Variants in CAMK1D observed in about 807,000 individuals in gnomAD.
CAMK1D encodes calcium/calmodulin-dependent protein kinase type 1D.
CAMK1D carries 9 observed loss-of-function variants against 47.7 expected under a neutral mutation model. The ratio of observed to expected loss-of-function variants is 0.19; its 90% CI spans 0.11 to 0.33. The LOEUF (loss-of-function observed/expected upper bound fraction) is 0.33. Among genes scored for constraint, CAMK1D ranks in the 10% least tolerant of loss-of-function variants. The probability of loss-of-function intolerance (pLI) is 1.00; values close to 1 mark genes in which losing one functional copy is unlikely to be tolerated. For missense variants in CAMK1D, 291 were observed against 488.7 expected (o/e 0.60, Z 3.81); for synonymous variants, 184 against 184.9 (o/e 0.99, Z 0.04).
At chr10:12,771,449 T>G (rs977244870) in intron 5 of CAMK1D, among the ~76,000 whole-genome samples, 2 of 152,252 alleles carry the variant, frequency 1.3e-5, no homozygotes, top group African/African-American at 4.8e-5. Context: ...GGGGCCACTT[T>G]GTGGCCTTTC....
At chr10:12,620,958 A>G (rs755924034) in intron 2 of CAMK1D, among the ~76,000 whole-genome samples, 4 of 152,254 alleles carry the variant, frequency 2.6e-5, no homozygotes, top group Non-Finnish European at 5.9e-5. Flanking sequence ...GGTGAGATTT[A>G]TACAAAAGAA....
intron 2 of CAMK1D, among the ~76,000 whole-genome samples, chr10:12,561,119 G>A (rs991722480): frequency 5.9e-5 from 9 of 151,934 alleles, no homozygotes; most frequent in Non-Finnish European, 1.2e-4. Flanking sequence ...GGGTTTCACC[G>A]TGTTAGCCAG....
intron 2 of CAMK1D, among the ~76,000 whole-genome samples, chr10:12,565,629 G>C (rs1024508113): frequency 2.0e-5 from 3 of 152,106 alleles, no homozygotes; most frequent in Non-Finnish European, 4.4e-5. Flanking sequence ...TACCTTCAAG[G>C]GTTTTAAAGT....
chr10:12,770,580 C>T (rs1353785251), intron 5 of CAMK1D, among the ~76,000 whole-genome samples: 1 of 152,206 alleles, frequency 6.6e-6, no homozygotes, highest in African/African-American at 2.4e-5. Flanking sequence ...AGACACGGTG[C>T]CTGCCCTCAT....
In CAMK1D at chr10:12,831,534, T is replaced by C. The variant is rs1218788857; in HGVS notation, c.*2647T>C. ...ACATGTGGTGCATGTTATATGCACT[T>C]AGTTTGAAAGTATCCCTCACCCAAA... On this transcript the variant is annotated 3_prime_UTR_variant, in exon 11 of 11. Coordinates refer to ENST00000619168, the MANE Select transcript of CAMK1D (RefSeq NM_153498.4). 1 of 152,220 alleles carries C rather than the reference T, an allele frequency of 6.6e-6. No homozygotes were observed. The highest frequency in any genetic ancestry group is 1.5e-5 in the Non-Finnish European group (1 of 68,042). The allele number at this position is 152,220 out of a possible 1,614,324, so 9.4% of individuals were successfully genotyped here. A position where few individuals can be genotyped will look rare whatever the true frequency, so the allele number is the denominator to read the frequency against.
intron 3 of CAMK1D, among the ~76,000 whole-genome samples, chr10:12,750,271 A>AC (rs1326756336): frequency 6.6e-6 from 1 of 152,048 alleles, no homozygotes; most frequent in Non-Finnish European, 1.5e-5. Context: ...AGTTGTCCCC[A>AC]CCCGGGGGTC....
intron 1 of CAMK1D, among the ~76,000 whole-genome samples, chr10:12,368,615 G>C (rs1837916182): frequency 6.6e-6 from 1 of 151,790 alleles, no homozygotes; most frequent in African/African-American, 2.4e-5. Context: ...AGGTTTTGTT[G>C]CAATAACAAG....
intron 1 of CAMK1D, among the ~76,000 whole-genome samples, chr10:12,386,316 A>G (rs1176444731): frequency 1.3e-5 from 2 of 152,050 alleles, no homozygotes; most frequent in East Asian, 1.9e-4. Flanking sequence ...GTGTGTGCCT[A>G]TGGTCCCAGC....
At chr10:12,435,221 CAAAAAAAAAA>C (rs910066372) in intron 1 of CAMK1D, among the ~76,000 whole-genome samples, 1 of 44,030 alleles carries the variant, frequency 2.3e-5, no homozygotes, top group Non-Finnish European at 4.1e-5. Flanking sequence ...AACTCTGTCT[CAAAAAAAAAA>C]AAAAAAAAAA....
chr10:12,544,232 C>T (rs772611519), intron 1 of CAMK1D, among the ~76,000 whole-genome samples: 1 of 152,086 alleles, frequency 6.6e-6, no homozygotes, highest in African/African-American at 2.4e-5. Flanking sequence ...ACAGAGATTC[C>T]TTTTTGATGG....
At chr10:12,482,114 T>C (rs1834082575) in intron 1 of CAMK1D, among the ~76,000 whole-genome samples, 1 of 152,218 alleles carries the variant, frequency 6.6e-6, no homozygotes, top group South Asian at 2.1e-4. Context: ...ATCTTATAGC[T>C]GAAGAGCTCC....
chr10:12,506,970 A>G (rs1393244184), intron 1 of CAMK1D, among the ~76,000 whole-genome samples: 1 of 152,210 alleles, frequency 6.6e-6, no homozygotes, highest in Non-Finnish European at 1.5e-5. Context: ...TGGACTCTTA[A>G]TATTTCCCAT....
chr10:12,489,520 G>C (rs1834317022), intron 1 of CAMK1D, among the ~76,000 whole-genome samples: 1 of 152,198 alleles, frequency 6.6e-6, no homozygotes. Flanking sequence ...TAGGGAAGCA[G>C]CCCAGTGGTG....
chr10:12,448,233 C>G (rs1403014419), intron 1 of CAMK1D, among the ~76,000 whole-genome samples: 3 of 151,810 alleles, frequency 2.0e-5, no homozygotes, highest in East Asian at 1.9e-4. Flanking sequence ...CTATATTGCC[C>G]AGGCTGATCT....
At chr10:12,781,974 T>G (rs1173832105) in intron 5 of CAMK1D, among the ~76,000 whole-genome samples, 1 of 32,034 alleles carries the variant, frequency 3.1e-5, no homozygotes, top group Non-Finnish European at 6.5e-5. Context: ...ATTTAATTGT[T>G]TTTTTTTTTT....
intron 1 of CAMK1D, among the ~76,000 whole-genome samples, chr10:12,548,757 G>A (rs1440250574): frequency 2.0e-5 from 3 of 151,126 alleles, no homozygotes; most frequent in South Asian, 2.1e-4. Flanking sequence ...GAGCCACCGC[G>A]CCCGGCCTAT....
At chr10:12,360,701 A>T (rs1029716904) in intron 1 of CAMK1D, among the ~76,000 whole-genome samples, 96 of 152,258 alleles carry the variant, frequency 6.3e-4, no homozygotes, top group African/African-American at 2.2e-3. Context: ...ATGGGTCGCA[A>T]ACTGGGGAGT....
Position 12,483,479 on chromosome 10 carries a change from C to T in CAMK1D, c.93-69746C>T, listed in dbSNP as rs1834122553. Among the ~76,000 whole-genome samples the T allele has an allele frequency of 2.0e-5, 3 of 152,056 alleles. No homozygotes were observed. The South Asian group carries it at 6.2e-4, about 31-fold the overall frequency. Reference sequence around the variant, plus strand: ...GCGTCCCAAAGTGCTGGGATTACAGCAGTCTCATGTTTAATTTTTCTTTAA... The same window carrying T: ...GCGTCCCAAAGTGCTGGGATTACAGTAGTCTCATGTTTAATTTTTCTTTAA... On this transcript the variant is annotated intron_variant, in intron 1 of 10. Coordinates refer to ENST00000619168, the MANE Select transcript of CAMK1D (RefSeq NM_153498.4).
At chr10:12,561,252 A>G (rs919674776) in intron 2 of CAMK1D, among the ~76,000 whole-genome samples, 7 of 152,166 alleles carry the variant, frequency 4.6e-5, no homozygotes, top group Admixed American at 6.5e-5. Flanking sequence ...GGGATGCAGT[A>G]AGTTATTTAG....
Sources: allele counts gnomAD v4.1 joint callset (sites outside exome capture counted in the v4.1 genomes callset), GRCh38; gene constraint gnomAD v4.1.1; transcripts MANE v1.5; gene names NCBI Gene and HGNC (gene_info 2026-07-23, HGNC 2026-07-21).